The following CNIH3 variants were observed in gnomAD, a reference collection of about 807,000 sequenced individuals.
CNIH3 encodes protein cornichon homolog 3.
In CNIH3, 14 loss-of-function variants were observed where a neutral mutation model predicts 24.1. The observed-to-expected ratio is 0.58, with a 90% CI of 0.38 to 0.91. The LOEUF (loss-of-function observed/expected upper bound fraction) is 0.91. CNIH3 is among the 40% of genes least tolerant of loss of function. The pLI is 0.00. For missense variants in CNIH3, 178 were observed against 196.8 expected, an observed-to-expected ratio of 0.90 and a Z score of 0.57; for synonymous variants, 68 against 73.8, an observed-to-expected ratio of 0.92 and a Z score of 0.40.
intron 1 of CNIH3, among the ~76,000 whole-genome samples, chr1:224,466,431 A>C (rs916969233): frequency 5.9e-5 from 9 of 152,152 alleles, no homozygotes; most frequent in African/African-American, 2.2e-4. Flanking sequence ...ATTCTATCGT[A>C]GTTTTTTCCT....
intron 1 of CNIH3, among the ~76,000 whole-genome samples, chr1:224,679,553 T>C (rs1686302417): frequency 6.6e-6 from 1 of 152,196 alleles, no homozygotes; most frequent in South Asian, 2.1e-4. Flanking sequence ...AATGAGCATC[T>C]TCAGTAAGTG....
At chr1:224,623,364 C>T (rs989525277) in intron 1 of CNIH3, among the ~76,000 whole-genome samples, 2 of 152,206 alleles carry the variant, frequency 1.3e-5, no homozygotes, top group Non-Finnish European at 2.9e-5. Flanking sequence ...GTAGTGGATG[C>T]CTCAGTCTCC....
chr1:224,601,113 G>A, intron 3 of CNIH3, among the ~76,000 whole-genome samples: 1 of 152,322 alleles, frequency 6.6e-6, no homozygotes, highest in Non-Finnish European at 1.5e-5. Context: ...AAGTACACTT[G>A]GAAGAGGCCC....
intron 1 of CNIH3, among the ~76,000 whole-genome samples, chr1:224,675,626 CA>C (rs535758165): frequency 1.3e-5 from 2 of 152,002 alleles, no homozygotes; most frequent in African/African-American, 4.8e-5. Flanking sequence ...TCATCAGTAA[CA>C]AAAAAACCAG....
chr1:224,720,951 G>C (rs995134799), intron 3 of CNIH3, among the ~76,000 whole-genome samples: 1 of 152,156 alleles, frequency 6.6e-6, no homozygotes, highest in East Asian at 1.9e-4. Flanking sequence ...TGGCCACTAC[G>C]TTCTGCCTTC....
At chr1:224,646,862 A>T (rs1684629824) in intron 1 of CNIH3, among the ~76,000 whole-genome samples, 2 of 152,228 alleles carry the variant, frequency 1.3e-5, no homozygotes. Flanking sequence ...CCAGTGTGTG[A>T]CATTTTATGA....
chr1:224,523,790 A>G (rs1361225898), intron 2 of CNIH3, among the ~76,000 whole-genome samples: 1 of 152,218 alleles, frequency 6.6e-6, no homozygotes, highest in African/African-American at 2.4e-5. Context: ...ATTCATTAAA[A>G]TAATAATTAT....
At chr1:224,541,577 A>T (rs2124949814), downstream of CNIH3, among the ~76,000 whole-genome samples, 1 of 152,290 alleles carries the variant, frequency 6.6e-6, no homozygotes, top group South Asian at 2.1e-4. Flanking sequence ...AAAATGCATG[A>T]TTTCCTAAAG....
intron 1 of CNIH3, among the ~76,000 whole-genome samples, chr1:224,672,812 C>T (rs1685934936): frequency 6.6e-6 from 1 of 152,136 alleles, no homozygotes; most frequent in Admixed American, 6.5e-5. Context: ...TCAAAGTGGC[C>T]CTAATACAAA....
chr1:224,724,061 A>T (rs954963517), intron 3 of CNIH3, among the ~76,000 whole-genome samples: 3 of 152,164 alleles, frequency 2.0e-5, no homozygotes, highest in Non-Finnish European at 4.4e-5. Flanking sequence ...AAAAAATTTT[A>T]AAAAATTTTA....
At position 224,715,529 on chromosome 1, in the gene CNIH3, T is replaced by C. The variant is rs146081520; in HGVS notation, c.199-14933T>C. ...TTTGTCTTAGTCTGTTTTGTGTTAC[T>C]ATCAAGGAATACCTGAAGTTGGACA... is the stretch of plus-strand genomic sequence containing the variant. On this transcript the variant is annotated intron_variant, in intron 3 of 5. Coordinates refer to ENST00000272133, the MANE Select transcript of CNIH3 (RefSeq NM_152495.2). Among the ~76,000 whole-genome samples the C allele has an allele frequency of 2.9e-3, 435 of 152,348 alleles. 2 individuals carry two copies. The highest frequency in any genetic ancestry group is 0.01 in the African/African-American group (425 of 41,580).
intron 1 of CNIH3, among the ~76,000 whole-genome samples, chr1:224,499,369 T>C (rs1414155780): frequency 2.0e-5 from 3 of 152,150 alleles, no homozygotes; most frequent in African/African-American, 7.2e-5. Context: ...TTTCTTACTC[T>C]TCCCCACTCC....
intron 1 of CNIH3, among the ~76,000 whole-genome samples, chr1:224,637,522 C>T (rs1007991445): frequency 2.6e-5 from 4 of 152,248 alleles, no homozygotes; most frequent in Admixed American, 1.3e-4. Flanking sequence ...AGATGAAGAT[C>T]GTGTATTTTC....
chr1:224,591,858 G>A (rs573164279), downstream of CNIH3, among the ~76,000 whole-genome samples: 1 of 152,196 alleles, frequency 6.6e-6, no homozygotes, highest in Non-Finnish European at 1.5e-5. Context: ...TGGTAAAATA[G>A]GAATGATAAT....
At chr1:224,438,781 C>T (rs528715992) in intron 1 of CNIH3, among the ~76,000 whole-genome samples, 1 of 152,256 alleles carries the variant, frequency 6.6e-6, no homozygotes, top group East Asian at 1.9e-4. Context: ...ACTTTCGCAG[C>T]CCCTCAGGCA....
At chr1:224,728,545 A>G (rs986345200) in intron 3 of CNIH3, among the ~76,000 whole-genome samples, 2 of 152,184 alleles carry the variant, frequency 1.3e-5, no homozygotes, top group African/African-American at 4.8e-5. Context: ...ATTCATCTAC[A>G]CTGGACTTTG....
At chr1:224,622,360 T>C (rs1378404335) in intron 1 of CNIH3, among the ~76,000 whole-genome samples, 32 of 152,314 alleles carry the variant, frequency 2.1e-4, no homozygotes, top group East Asian at 3.9e-4. Context: ...GAGGAGCAGA[T>C]TGGGGAGAAG....
exon 3 of CNIH3, chr1:224,546,836 C>T: frequency 1.0e-6 from 1 of 952,978 alleles, no homozygotes; most frequent in Non-Finnish European, 1.2e-6. Flanking sequence ...CAGTGATCCT[C>T]ATGGAACACC....
chr1:224,539,915 A>C (rs961443706), downstream of CNIH3, among the ~76,000 whole-genome samples: 4 of 152,248 alleles, frequency 2.6e-5, no homozygotes, highest in East Asian at 7.7e-4. Flanking sequence ...TTCCCTCCAG[A>C]TTGTAAGCTC....
Sources: gnomAD v4.1 joint callset for allele counts (sites outside exome capture counted in the v4.1 genomes callset) on GRCh38, gnomAD v4.1.1 for gene constraint, MANE v1.5 for transcripts, NCBI Gene and HGNC (gene_info 2026-07-23, HGNC 2026-07-21) for gene names.